The following GLUL variants were observed in gnomAD, a reference collection of about 807,000 sequenced individuals.
GLUL encodes the protein glutamine synthetase.
Under a neutral mutation model 36.9 loss-of-function variants are expected in GLUL, and 8 were observed. The ratio of observed to expected loss-of-function variants is 0.22; its 90% CI spans 0.13 to 0.39. The LOEUF is 0.39. Among genes scored for constraint, GLUL ranks in the 10% least tolerant of loss-of-function variants. The probability of loss-of-function intolerance (pLI) is 1.00; values close to 1 mark genes in which losing one functional copy is unlikely to be tolerated. For synonymous variants in GLUL, 182 were observed against 172.8 expected, an observed-to-expected ratio of 1.05 and a Z score of -0.42; for missense variants, 315 against 501.8, an observed-to-expected ratio of 0.63 and a Z score of 3.56.
intron 2 of GLUL, 131 bp downstream of exon 2, chr1:182,388,441 G>T: frequency 1.2e-6 from 1 of 802,396 alleles, no homozygotes; most frequent in East Asian, 2.6e-5. Flanking sequence ...AATAAAGTCT[G>T]AAAAGCCCTG....
intron 6 of GLUL, 23 bp downstream of exon 6, chr1:182,385,334 T>G: frequency 6.4e-7 from 1 of 1,569,378 alleles, no homozygotes. Flanking sequence ...AGATTAAAGA[T>G]GGCCCCAGCA....
rs901091857 is a variant in GLUL at position 182,380,440 on chromosome 1, G to A, written c.*3965C>T. Among the ~76,000 whole-genome samples the A allele has an allele frequency of 5.3e-5, 8 of 152,022 alleles. No homozygotes were observed. In the South Asian group the frequency reaches 6.2e-4, roughly 12 times the overall value. On this transcript the variant is annotated 3_prime_UTR_variant, in exon 7 of 7. Coordinates refer to ENST00000331872, the MANE Select transcript of GLUL (RefSeq NM_001033044.4). The stretch of plus-strand genomic sequence containing the variant: ...CTCCCATCTCAGCCTCCTGATAGCT[G>A]AGACTACAGGCGTGCAATTTAAAAA...
intron 3 of GLUL, 64 bp downstream of exon 3, chr1:182,387,067 T>C: frequency 7.9e-7 from 1 of 1,265,884 alleles, no homozygotes; most frequent in South Asian, 1.2e-5. Context: ...CAGAATGTCT[T>C]CTCCCTCCCC....
chr1:182,387,350 C>G, intron 2 of GLUL, 58 bp from the exon 3 acceptor site: 1 of 1,225,938 alleles, frequency 8.2e-7, no homozygotes, highest in Admixed American at 1.7e-5. Context: ...CCAAGCAATG[C>G]AAATACAGCC....
chr1:182,384,345 G>C lies in GLUL; in HGVS notation c.*60C>G. On this transcript the variant is annotated 3_prime_UTR_variant, in exon 7 of 7. Transcript: ENST00000331872. ...TACAATCGGGACAACTGGGAGAGGG[G>C]GAAGAGTTGGAGTGGGATGAAGAAC... The C allele has an allele frequency of 8.7e-7, 1 of 1,145,200 alleles. No homozygotes were observed. The highest frequency in any genetic ancestry group is 1.3e-6 in the Non-Finnish European group (1 of 761,312). 70.9% of individuals were successfully genotyped at this position (1,145,200 alleles called of 1,614,324 possible). A position where few individuals can be genotyped will look rare whatever the true frequency, so the allele number is the denominator to read the frequency against.
rs769048905 is a variant in GLUL, at chr1:182,384,549, G to C, written c.978C>G (p.Pro326=). The stretch of plus-strand genomic sequence containing the variant: ...CCTTCTTCTCCTGGCCAACAGTCCG[G>C]GGAATGCGTATGCTGGCGCTACGAT... ...VANRSASIRI[P]RTVGQEKKGY... The change falls in exon 7 of 7, where the codon CCC becomes CCG. Residue 326 remains proline (P), a synonymous_variant. Transcript: ENST00000331872. The C allele has an allele frequency of 6.2e-7, 1 of 1,614,208 alleles. No individual in the cohort carries two copies. Among genetic ancestry groups the C allele is most frequent in the Admixed American group, 1.7e-5 (1 of 60,030 alleles).
Position 182,385,878 on chromosome 1 carries a change from T to A in GLUL, c.485A>T (p.Tyr162Phe). The change falls in exon 5 of 7, where the codon TAC becomes TTC. Residue 162 changes from tyrosine (Y) to phenylalanine (F), a missense_variant. Coordinates refer to ENST00000331872, the MANE Select transcript of GLUL (RefSeq NM_001033044.4). ...NGFPGPQGPY[Y>F]CGVGADRAYG... Reference sequence around the variant, plus strand: ...GGCTCTGTCTGCTCCCACACCACAGTAATATGGACCTACAGAAGCATCAGG... The same window carrying A: ...GGCTCTGTCTGCTCCCACACCACAGAAATATGGACCTACAGAAGCATCAGG... 2.5e-6 allele frequency: 4 copies of A among 1,613,622 alleles called. No homozygotes were observed. Among genetic ancestry groups the A allele is most frequent in the Non-Finnish European group, 3.4e-6 (4 of 1,179,584 alleles).
chr1:182,390,989 C>A (rs901750037), intron 1 of GLUL: 33 of 397,546 alleles, frequency 8.3e-5, no homozygotes, highest in African/African-American at 6.0e-4. Context: ...CATACCCTGC[C>A]GCCGAGGGGT....
intron 1 of GLUL, chr1:182,391,043 C>T (rs1571412946): frequency 2.5e-6 from 1 of 397,402 alleles, no homozygotes. Context: ...GTAGGGACTG[C>T]GCGCTGCTGC....
rs1382245826 is a variant in GLUL, at chr1:182,384,382, C to G, written c.*23G>C. ...GTGGGATGAAGAACTAGGAGGGGCT[C>G]AACAGCTGGAGGTCTAGTCCACTTA... On this transcript the variant is annotated 3_prime_UTR_variant, in exon 7 of 7. Transcript: ENST00000331872. 2 of 1,534,938 alleles carry G rather than the reference C, an allele frequency of 1.3e-6. No individual in the cohort carries two copies. The highest frequency in any genetic ancestry group is 1.8e-6 in the Non-Finnish European group (2 of 1,109,344).
rs1406726090 is a variant in GLUL at position 182,381,468 on chromosome 1, A to G, written c.*2937T>C. On this transcript the variant is annotated 3_prime_UTR_variant, in exon 7 of 7. Transcript: ENST00000331872. ...GCTTGGTCATTATTCTGTTTAATCT[A>G]TCACTGATAAAAGTTATCACATAAC... Among the ~76,000 whole-genome samples, 3 of 152,170 alleles carry G rather than the reference A, an allele frequency of 2.0e-5. No individual in the cohort carries two copies. The highest frequency in any genetic ancestry group is 7.2e-5 in the African/African-American group (3 of 41,438).
intron 1 of GLUL, chr1:182,390,834 G>C (rs1650382806): frequency 5.0e-6 from 2 of 399,068 alleles, no homozygotes; most frequent in African/African-American, 4.1e-5. Flanking sequence ...GTGGACTTGC[G>C]GCTGGGGGAG....
intron 1 of GLUL, chr1:182,391,224 A>G (rs1000190852): frequency 1.0e-5 from 4 of 398,570 alleles, no homozygotes; most frequent in Non-Finnish European, 1.8e-5. Flanking sequence ...AACCAGGACG[A>G]TTGCTCCGAA....
intron 3 of GLUL, 49 bp downstream of exon 3, chr1:182,387,082 C>G (rs539793139): frequency 1.4e-6 from 2 of 1,417,384 alleles, no homozygotes; most frequent in South Asian, 1.1e-5. Flanking sequence ...CTCCCCTTCA[C>G]AGCATTCACA....
Position 182,387,304 on chromosome 1 carries a change from A to T in GLUL, c.167-12T>A, listed in dbSNP as rs367852420. ...CCACTCAGGCAACTCTGGGGCAAAA[A>T]GAGGGAAAATTACATTTAAAACATA... On this transcript the variant is annotated splice_polypyrimidine_tract_variant and intron_variant, in intron 2 of 6. Coordinates refer to ENST00000331872, the MANE Select transcript of GLUL (RefSeq NM_001033044.4). The T allele has an allele frequency of 1.2e-4, 189 of 1,606,720 alleles. No individual in the cohort carries two copies. The highest frequency in any genetic ancestry group is 2.3e-4 in the Admixed American group (14 of 59,998).
chr1:182,390,977 G>A (rs1340293538), intron 1 of GLUL: 3 of 397,628 alleles, frequency 7.5e-6, no homozygotes, highest in Non-Finnish European at 1.3e-5. Flanking sequence ...CACGGAGGTG[G>A]CCATACCCTG....
In GLUL at chr1:182,384,616, T is replaced by C. The variant is rs1169126501; in HGVS notation, c.911A>G (p.His304Arg). ...AAAGTCGTTGATGTTGGAGGTTTCATGGAATCCAGTTAGACGTCGGGCATT... is the reference window on the plus strand; with the variant it reads ...AAAGTCGTTGATGTTGGAGGTTTCACGGAATCCAGTTAGACGTCGGGCATT... ...LDNARRLTGFHETSNINDFSA... is the reference protein window; with the variant it reads ...LDNARRLTGFRETSNINDFSA... Residue 304 changes from histidine (H) to arginine (R), a missense_variant, in exon 7 of 7, where the codon CAT (histidine) becomes CGT (arginine). Transcript: ENST00000331872. 2.5e-6 allele frequency: 4 copies of C among 1,614,094 alleles called. No homozygotes were observed. The highest frequency in any genetic ancestry group is 2.7e-5 in the African/African-American group (2 of 74,936).
rs61272996 is a variant in GLUL, at chr1:182,379,846, C to CT, written c.*4558dup. ...CCACCATGCCCAGCCTCAGTTACAA[C>CT]TTTTTTTTTTTTTTTGAGATGGAGT... is the stretch of plus-strand genomic sequence containing the variant. On this transcript the variant is annotated 3_prime_UTR_variant, in exon 7 of 7. Transcript: ENST00000331872. Among the ~76,000 whole-genome samples, 66,027 of 138,200 alleles carry CT rather than the reference C, an allele frequency of 0.48. 15,434 individuals are homozygous for CT. The highest frequency in any genetic ancestry group is 0.62 in the Middle Eastern group (152 of 244). 90.7% of individuals were successfully genotyped at this position (138,200 alleles called of 152,430 possible).
chr1:182,387,222 G>C lies in GLUL; in HGVS notation c.237C>G (p.Leu79=), dbSNP rs776287282. Residue 79 remains leucine (L), a synonymous_variant, in exon 3 of 7, where the codon CTC becomes CTG. Transcript: ENST00000331872. ...QSEGSNSDMY[L]VPAAMFRDPF... is the part of the protein sequence containing the mutation. ...GGTCCCGAAACATGGCAGCAGGCAC[G>C]AGATACATGTCACTGTTGGAACCCT... 6.2e-7 allele frequency: 1 copy of C among 1,611,148 alleles called. No individual in the cohort carries two copies. The highest frequency in any genetic ancestry group is 8.5e-7 in the Non-Finnish European group (1 of 1,177,460).
Sources: gnomAD v4.1 joint callset for allele counts (sites outside exome capture counted in the v4.1 genomes callset) on GRCh38, gnomAD v4.1.1 for gene constraint, MANE v1.5 for transcripts, NCBI Gene and HGNC (gene_info 2026-07-23, HGNC 2026-07-21) for gene names.